Variants in DST observed in about 807,000 individuals in gnomAD.
DST encodes bullous pemphigoid antigen.
In DST, 253 loss-of-function variants were observed where a neutral mutation model predicts 875.2. That is an observed-to-expected ratio of 0.29 (90% CI 0.26 to 0.32). DST has a LOEUF of 0.32. DST is among the 10% of genes least tolerant of loss of function. DST has a pLI of 1.00. For missense variants in DST, 8,287 were observed against 9,111.6 expected, an observed-to-expected ratio of 0.91 and a Z score of 3.68; for synonymous variants, 3,124 against 3,197.1, an observed-to-expected ratio of 0.98 and a Z score of 0.77.
intron 10 of DST, 65 bp from the exon 11 acceptor site, chr6:56,651,309 A>G (rs576657519): frequency 4.2e-6 from 4 of 951,850 alleles, no homozygotes; most frequent in Non-Finnish European, 6.2e-6. Context: ...ATATAATTAT[A>G]TAGGTTTCCA....
At chr6:56,836,719 C>T (rs1343778385) in intron 4 of DST, among the ~76,000 whole-genome samples, 1 of 150,922 alleles carries the variant, frequency 6.6e-6, no homozygotes, top group Non-Finnish European at 1.5e-5. Context: ...GGCGTGATGG[C>T]GGGCGCCTGT....
At chr6:56,688,656 T>C (rs1284806543) in intron 9 of DST, among the ~76,000 whole-genome samples, 3 of 152,222 alleles carry the variant, frequency 2.0e-5, no homozygotes, top group South Asian at 2.1e-4. Flanking sequence ...CATTACTTAA[T>C]AGAGTCACCA....
At chr6:56,843,498 G>A in intron 4 of DST, 2 of 987,564 alleles carry the variant, frequency 2.0e-6, no homozygotes, top group Non-Finnish European at 2.4e-6. Flanking sequence ...GGCGGGCGGG[G>A]GCCGGCGGGC....
chr6:56,633,896 T>G (rs1170421146), intron 27 of DST, among the ~76,000 whole-genome samples: 3 of 152,222 alleles, frequency 2.0e-5, no homozygotes, highest in African/African-American at 4.8e-5. Flanking sequence ...AACTACATTC[T>G]GCCTCCCTAT....
chr6:56,843,507 G>A, intron 4 of DST: 1 of 986,254 alleles, frequency 1.0e-6, no homozygotes, highest in Non-Finnish European at 1.2e-6. Context: ...GGGCCGGCGG[G>A]CGCCCGGACC....
rs374102496 is a variant in DST at position 56,461,177 on chromosome 6, T to C, written c.23071-923A>G. ...TTATTAGCTTAAAATGTTATAATCA[T>C]CTGATACATGAGTTACTCTTATTAA... On this transcript the variant is annotated intron_variant, in intron 102 of 103. Coordinates refer to ENST00000680361, the MANE Select transcript of DST (RefSeq NM_001374736.1). The C allele has an allele frequency of 1.1e-4, 16 of 152,212 alleles. No homozygotes were observed. In the East Asian group the frequency reaches 2.3e-3, roughly 22 times the overall value. 9.4% of individuals were successfully genotyped at this position (152,212 alleles called of 1,614,324 possible).
intron 55 of DST, among the ~76,000 whole-genome samples, chr6:56,567,273 A>C (rs1474854): frequency 0.38 from 58,056 of 151,948 alleles, 11,442 homozygotes; most frequent in Admixed American, 0.44. Context: ...CTCAGATCAA[A>C]AACATAATAA....
At chr6:56,564,090 T>C (rs59463196) in intron 55 of DST, among the ~76,000 whole-genome samples, 3,007 of 152,310 alleles carry the variant, frequency 0.02, 101 homozygotes, top group African/African-American at 0.069. Context: ...AAATTTAAAG[T>C]AGTTTTTTCT....
chr6:56,639,990 T>A lies in DST; in HGVS notation c.2558A>T (p.Lys853Ile). 6.2e-7 allele frequency: 1 copy of A among 1,613,990 alleles called. No individual in the cohort carries two copies. The highest frequency in any genetic ancestry group is 1.3e-5 in the African/African-American group (1 of 75,038). The stretch of plus-strand genomic sequence containing the variant: ...TTCTTCAATAGCTCTATGAACATTT[T>A]TATGATTTTCTAAATGGCTTTCAAC... The part of the protein sequence containing the change: ...PSVESHLENH[K>I]NVHRAIEEFE... The change falls in exon 19 of 104, where the codon AAA becomes ATA. Residue 853 changes from lysine (K) to isoleucine (I), a missense_variant. Coordinates refer to ENST00000680361, the MANE Select transcript of DST (RefSeq NM_001374736.1).
At chr6:56,567,734 G>A (rs994169112) in intron 55 of DST, among the ~76,000 whole-genome samples, 1 of 152,010 alleles carries the variant, frequency 6.6e-6, no homozygotes, top group Non-Finnish European at 1.5e-5. Context: ...GCTGGGGGCT[G>A]GTCAGACTAG....
At chr6:56,771,264 C>T (rs541268977) in intron 4 of DST, among the ~76,000 whole-genome samples, 25 of 152,014 alleles carry the variant, frequency 1.6e-4, no homozygotes, top group Non-Finnish European at 3.1e-4. Context: ...CCTTAGAAAT[C>T]TGAGTATTAC....
intron 3 of DST, among the ~76,000 whole-genome samples, chr6:56,865,162 T>G (rs1198750646): frequency 6.6e-6 from 1 of 152,122 alleles, no homozygotes; most frequent in Non-Finnish European, 1.5e-5. Flanking sequence ...GAGTCTGTCC[T>G]AACAGAAACA....
intron 50 of DST, among the ~76,000 whole-genome samples, chr6:56,578,537 T>C (rs1187795359): frequency 6.6e-6 from 1 of 152,200 alleles, no homozygotes. Flanking sequence ...TTCTACTTCC[T>C]GTGGTGGACA....
At chr6:56,919,288 C>T (rs1426041636) in intron 2 of DST, among the ~76,000 whole-genome samples, 1 of 152,072 alleles carries the variant, frequency 6.6e-6, no homozygotes, top group Non-Finnish European at 1.5e-5. Flanking sequence ...AAAACATTCT[C>T]CTATACCTTC....
intron 69 of DST, among the ~76,000 whole-genome samples, chr6:56,522,671 C>T (rs552668419): frequency 6.6e-6 from 1 of 152,184 alleles, no homozygotes; most frequent in Admixed American, 6.6e-5. Flanking sequence ...GAGTTGTTTG[C>T]ATTAACTGCA....
Position 56,640,455 on chromosome 6 carries a change from G to A in DST, c.2178C>T (p.His726=). 6.2e-7 allele frequency: 1 copy of A among 1,614,160 alleles called. No individual in the cohort carries two copies. Among genetic ancestry groups the A allele is most frequent in the Non-Finnish European group, 8.5e-7 (1 of 1,180,014 alleles). ...SLNSGFAQTL[H]PSLTSGLTQS... is the part of the protein sequence containing the mutation. ...GGGTCAGCCCTGAGGTCAGACTAGG[G>A]TGTAAGGTCTGTGCAAATCCTGAGT... The change falls in exon 18 of 104, where the codon CAC becomes CAT. Residue 726 remains histidine (H), a synonymous_variant. Transcript: ENST00000680361.
At position 56,517,207 on chromosome 6, in the gene DST, T is replaced by C. The variant is rs371040493; in HGVS notation, c.18348A>G (p.Gln6116=). 1.1e-5 allele frequency: 17 copies of C among 1,612,130 alleles called. No homozygotes were observed. The highest frequency in any genetic ancestry group is 8.0e-5 in the African/African-American group (6 of 74,996). ...ACAGACAAGATTATACCTTCATTGA[T>C]TGCTTTTCCTCTTCACTGCATGCGG... The part of the protein sequence containing the change: ...IMTACSEEEK[Q]SMKKKLDKVL... Residue 6116 remains glutamine (Q), a synonymous_variant, in exon 71 of 104, where the codon CAA becomes CAG. Coordinates refer to ENST00000680361, the MANE Select transcript of DST (RefSeq NM_001374736.1).
At chr6:56,742,792 A>G (rs2099551888) in intron 4 of DST, among the ~76,000 whole-genome samples, 1 of 152,216 alleles carries the variant, frequency 6.6e-6, no homozygotes. Flanking sequence ...TATGTGTGCT[A>G]GTAACATGAT....
At position 56,501,589 on chromosome 6, in the gene DST, A is replaced by G; in HGVS notation, c.19671T>C (p.Thr6557=). Residue 6557 remains threonine (T), a synonymous_variant, in exon 79 of 104, where the codon ACT becomes ACC. Transcript: ENST00000680361. ...KKVTEESDKH[T]VQDPLMELKL... Reference sequence around the variant, plus strand: ...TCAGTTCCATTAATGGGTCTTGAACAGTGTGTTTGTCACTCTCTTCTGTTA... The same window carrying G: ...TCAGTTCCATTAATGGGTCTTGAACGGTGTGTTTGTCACTCTCTTCTGTTA... The G allele has an allele frequency of 1.2e-6, 2 of 1,608,454 alleles. No homozygotes were observed. Among genetic ancestry groups the G allele is most frequent in the Non-Finnish European group, 1.7e-6 (2 of 1,177,462 alleles).
Sources: allele counts gnomAD v4.1 joint callset (sites outside exome capture counted in the v4.1 genomes callset), GRCh38; gene constraint gnomAD v4.1.1; transcripts MANE v1.5; gene names NCBI Gene and HGNC (gene_info 2026-07-23, HGNC 2026-07-21).